ATL3: variants seen among roughly 807,000 people sequenced by gnomAD.
The protein encoded by ATL3 is atlastin-3.
In ATL3, 49 loss-of-function variants were observed where a neutral mutation model predicts 69.5. The observed-to-expected ratio is 0.71, with a 90% CI of 0.56 to 0.89. The LOEUF (loss-of-function observed/expected upper bound fraction) is 0.89, where lower values mean the gene tolerates loss of function less well. Ranked by LOEUF, ATL3 falls within the 40% of genes least tolerant of loss-of-function variation. ATL3 has a pLI of 0.00. For synonymous variants in ATL3, 214 were observed against 224.1 expected (o/e 0.95, Z 0.40); for missense variants, 606 against 645.7 (o/e 0.94, Z 0.67).
chr11:63,631,121 G>C lies in ATL3; in HGVS notation c.1458C>G (p.Thr486=). ...MVGLLLIALL[T]WGYIRYSGQY... ...GACCAGAATACCTGATGTAGCCCCAGGTGAGGAGTGCTATTAACAGTAGTC... is the reference window on the plus strand; with the variant it reads ...GACCAGAATACCTGATGTAGCCCCACGTGAGGAGTGCTATTAACAGTAGTC... The change falls in exon 12 of 13, where the codon ACC becomes ACG. Residue 486 remains threonine, a synonymous_variant. Transcript: ENST00000398868. 1 of 1,614,176 alleles carries C rather than the reference G, an allele frequency of 6.2e-7. No individual in the cohort carries two copies. Among genetic ancestry groups the C allele is most frequent in the Non-Finnish European group, 8.5e-7 (1 of 1,180,036 alleles).
At chr11:63,637,213 T>C (rs997329243) in intron 8 of ATL3, among the ~76,000 whole-genome samples, 2 of 150,882 alleles carry the variant, frequency 1.3e-5, no homozygotes, top group African/African-American at 4.9e-5. Context: ...AAGGCAGAGG[T>C]TGCAGTGAGC....
chr11:63,630,820 G>A (rs1178933539), intron 12 of ATL3, among the ~76,000 whole-genome samples: 5 of 150,834 alleles, frequency 3.3e-5, no homozygotes, highest in African/African-American at 9.8e-5. Flanking sequence ...AAAAAAAAGC[G>A]GGGCGGGGGC....
rs954188258 is a variant in ATL3 at position 63,652,536 on chromosome 11, T to C, written c.445A>G (p.Ser149Gly). Residue 149 changes from serine (S) to glycine (G), a missense_variant, in exon 4 of 13, where the codon AGC (serine) becomes GGC (glycine). Physicochemically the swap from Ser to Gly is moderately conservative, Grantham distance 56 (BLOSUM62 0). Transcript: ENST00000398868. Reference sequence around the variant, plus strand: ...GCACAGTCTTTCACAGTTGACTGGCTGTCAAATGCCCCCTGGGTATCCATC... The same window carrying C: ...GCACAGTCTTTCACAGTTGACTGGCCGTCAAATGCCCCCTGGGTATCCATC... Reference protein sequence around the residue: ...VLMDTQGAFDSQSTVKDCATI... With the variant: ...VLMDTQGAFDGQSTVKDCATI... The C allele has an allele frequency of 1.9e-6, 3 of 1,612,068 alleles. No homozygotes were observed. The African/African-American group carries it at 4.0e-5, about 22-fold the overall frequency.
intron 1 of ATL3, among the ~76,000 whole-genome samples, chr11:63,659,652 G>C (rs1364225778): frequency 6.6e-6 from 1 of 151,772 alleles, no homozygotes; most frequent in African/African-American, 2.4e-5. Flanking sequence ...AACCATAAAA[G>C]GGCAGGGCAC....
chr11:63,670,802 A>G (rs74632316), intron 1 of ATL3, among the ~76,000 whole-genome samples: 4,806 of 152,326 alleles, frequency 0.032, 242 homozygotes, highest in African/African-American at 0.11. Flanking sequence ...ACTTCCAGAA[A>G]GGCCAAATAA....
rs767260184 is a variant in ATL3, at chr11:63,635,572, G to A, written c.997C>T (p.Gln333Ter). 6.2e-7 allele frequency: 1 copy of A among 1,610,396 alleles called. No individual in the cohort carries two copies. The highest frequency in any genetic ancestry group is 8.5e-7 in the Non-Finnish European group (1 of 1,176,912). The change falls in exon 10 of 13, where the codon CAA (glutamine) becomes TAA (stop). Residue 333 changes from glutamine to a stop codon, truncating the protein, a stop_gained. Coordinates refer to ENST00000398868, the MANE Select transcript of ATL3 (RefSeq NM_015459.5). LOFTEE classifies it high-confidence loss of function. ...TTGGGGTGAGGCAGATCTTCTCCTT[G>A]ATAAATTTTAATATATGCCTTAAAA... Reference protein sequence around the residue: ...EYFKAYIKIYQGEDLPHPKSM... With the variant: ...EYFKAYIKIY
At chr11:63,648,849 G>A (rs777100957) in intron 5 of ATL3, among the ~76,000 whole-genome samples, 1 of 151,592 alleles carries the variant, frequency 6.6e-6, no homozygotes. Flanking sequence ...CAGGCACGGC[G>A]GCTCACATCT....
intron 1 of ATL3, among the ~76,000 whole-genome samples, chr11:63,669,014 T>G (rs374514064): frequency 0.085 from 9,109 of 107,616 alleles, 473 homozygotes; most frequent in Middle Eastern, 0.11. Flanking sequence ...TTTTTTTGGG[T>G]GGGGGGGGGC....
At chr11:63,651,187 T>A (rs937729886) in intron 5 of ATL3, among the ~76,000 whole-genome samples, 2 of 152,118 alleles carry the variant, frequency 1.3e-5, no homozygotes, top group African/African-American at 4.8e-5. Context: ...CCGGGCGCGG[T>A]GGCTCATGCC....
chr11:63,658,980 C>T lies in ATL3; in HGVS notation c.261+58G>A, dbSNP rs955447191. On this transcript the variant is annotated intron_variant, in intron 2 of 12. Transcript: ENST00000398868. ...TCAAGGATAATCTATGAGCTTATTT[C>T]GCTTTTTTGGACATTAAAGTCTCAC... The T allele has an allele frequency of 2.0e-5, 32 of 1,601,634 alleles. No individual in the cohort carries two copies. In the East Asian group the frequency reaches 3.8e-4, roughly 19 times the overall value.
intron 6 of ATL3, among the ~76,000 whole-genome samples, chr11:63,644,939 G>C (rs554404729): frequency 6.6e-6 from 1 of 152,054 alleles, no homozygotes; most frequent in Non-Finnish European, 1.5e-5. Context: ...ATCTGTGGCC[G>C]GGCACAGTGG....
rs757214258 is a variant in ATL3 at position 63,627,784 on chromosome 11, T to C, written c.*1535A>G. On this transcript the variant is annotated 3_prime_UTR_variant, in exon 13 of 13. Coordinates refer to ENST00000398868, the MANE Select transcript of ATL3 (RefSeq NM_015459.5). The stretch of plus-strand genomic sequence containing the variant: ...ATAGAAAAAAAGAACTCTTAGATAC[T>C]TCTAGATATTTTTTATATTTGGGTA... 6.6e-6 allele frequency: 1 copy of C among 152,226 alleles called. No homozygotes were observed. The highest frequency in any genetic ancestry group is 2.4e-5 in the African/African-American group (1 of 41,468). The allele number at this position is 152,226 out of a possible 1,614,324, so 9.4% of individuals were successfully genotyped here.
At chr11:63,670,723 C>A (rs146495063) in intron 1 of ATL3, among the ~76,000 whole-genome samples, 211 of 152,372 alleles carry the variant, frequency 1.4e-3, no homozygotes, top group Non-Finnish European at 2.2e-3. Flanking sequence ...TTTCCTAATA[C>A]TTGTGGTCAG....
chr11:63,657,279 A>C (rs1940285203), intron 3 of ATL3, among the ~76,000 whole-genome samples: 1 of 152,054 alleles, frequency 6.6e-6, no homozygotes, highest in African/African-American at 2.4e-5. Context: ...AAACAGAAGT[A>C]ATGGATGAAA....
chr11:63,627,622 T>A lies in ATL3; in HGVS notation c.*1697A>T, dbSNP rs1939158073. The A allele has an allele frequency of 6.6e-6, 1 of 152,202 alleles. No individual in the cohort carries two copies. Among genetic ancestry groups the A allele is most frequent in the South Asian group, 2.1e-4 (1 of 4,832 alleles). 9.4% of individuals were successfully genotyped at this position (152,202 alleles called of 1,614,324 possible). A position where few individuals can be genotyped will look rare whatever the true frequency, so the allele number is the denominator to read the frequency against. On this transcript the variant is annotated 3_prime_UTR_variant, in exon 13 of 13. Coordinates refer to ENST00000398868, the MANE Select transcript of ATL3 (RefSeq NM_015459.5). ...CCTCCCTCCCATAACAAAAGTTAAA[T>A]TATCTTAGAAATTAAGGCTTATATA...
At chr11:63,668,141 A>G (rs1404981781) in intron 1 of ATL3, among the ~76,000 whole-genome samples, 1 of 152,226 alleles carries the variant, frequency 6.6e-6, no homozygotes, top group Non-Finnish European at 1.5e-5. Flanking sequence ...GGGTAAAGTT[A>G]TGACCTGAGT....
At chr11:63,668,592 T>C (rs755511865) in intron 1 of ATL3, among the ~76,000 whole-genome samples, 26 of 152,166 alleles carry the variant, frequency 1.7e-4, no homozygotes, top group African/African-American at 6.0e-4. Context: ...TAATGCTTCA[T>C]AGGTTTACAA....
intron 12 of ATL3, 53 bp downstream of exon 12, chr11:63,630,987 G>A: frequency 1.3e-6 from 2 of 1,506,420 alleles, no homozygotes; most frequent in Non-Finnish European, 1.8e-6. Flanking sequence ...TACAACAGAA[G>A]CACAAATATC....
intron 8 of ATL3, among the ~76,000 whole-genome samples, chr11:63,637,105 C>T (rs565647899): frequency 1.4e-4 from 22 of 152,126 alleles, no homozygotes; most frequent in Admixed American, 2.6e-4. Context: ...GGTGAAACCC[C>T]GTCTCTACTA....
Sources: allele counts gnomAD v4.1 joint callset (sites outside exome capture counted in the v4.1 genomes callset), GRCh38; gene constraint gnomAD v4.1.1; transcripts MANE v1.5; gene names NCBI Gene and HGNC (gene_info 2026-07-23, HGNC 2026-07-21).